The following SETD1B variants were observed in gnomAD, a reference collection of about 807,000 sequenced individuals.
SETD1B encodes histone-lysine N-methyltransferase SETD1B.
A neutral mutation model predicts 148.0 loss-of-function variants in SETD1B; 7 were observed. That is an observed-to-expected ratio of 0.05 (90% CI 0.03 to 0.09). The LOEUF is 0.09. Among genes scored for constraint, SETD1B ranks in the 10% least tolerant of loss-of-function variants. The pLI, the probability that SETD1B is intolerant of heterozygous loss-of-function variation, is 1.00. For missense variants in SETD1B, 2,155 were observed against 2,729.9 expected, an observed-to-expected ratio of 0.79 and a Z score of 4.69; for synonymous variants, 1,361 against 1,186.5, an observed-to-expected ratio of 1.15 and a Z score of -3.02.
chr12:121,822,470 G>A lies in SETD1B; in HGVS notation c.3911-20G>A. 6.6e-7 allele frequency: 1 copy of A among 1,515,896 alleles called. No homozygotes were observed. Among genetic ancestry groups the A allele is most frequent in the South Asian group, 1.2e-5 (1 of 80,590 alleles). The allele number at this position is 1,515,896 out of a possible 1,614,324, so 93.9% of individuals were successfully genotyped here. ...TTGGATTGAATAGTAAATGTCTCGT[G>A]TTCGCTCACCTCTCTGCAGAACATG... On this transcript the variant is annotated intron_variant, in intron 11 of 16. Coordinates refer to ENST00000604567, the MANE Select transcript of SETD1B (RefSeq NM_001353345.2).
Position 121,827,566 on chromosome 12 carries a change from G to A in SETD1B, c.5385G>A (p.Ser1795=), listed in dbSNP as rs1425220857. Residue 1795 remains serine (S), a synonymous_variant, in exon 14 of 17, where the codon TCG becomes TCA. Coordinates refer to ENST00000604567, the MANE Select transcript of SETD1B (RefSeq NM_001353345.2). ...CCCACGCCTCCACCCGGGCAGGCTC[G>A]GAGCGGCGTTCGGAGCAGCGCCGCC... The part of the protein sequence containing the change: ...AQPHASTRAG[S]ERRSEQRRLL... 11 of 1,549,304 alleles carry A rather than the reference G, an allele frequency of 7.1e-6. No homozygotes were observed. Among genetic ancestry groups the A allele is most frequent in the East Asian group, 4.9e-5 (2 of 40,918 alleles).
chr12:121,812,239 G>T (rs777072770), intron 6 of SETD1B, among the ~76,000 whole-genome samples: 8 of 152,156 alleles, frequency 5.3e-5, no homozygotes, highest in African/African-American at 1.4e-4. Context: ...GTGGGGGAGC[G>T]GCGCAGGCGG....
At chr12:121,819,107 G>C (rs937928543) in intron 10 of SETD1B, among the ~76,000 whole-genome samples, 4 of 151,976 alleles carry the variant, frequency 2.6e-5, no homozygotes, top group African/African-American at 4.8e-5. Flanking sequence ...AGCCGGGCGT[G>C]GTGGTGCATG....
In SETD1B at chr12:121,814,258, GCCCCCGCCACCTGGCTTC is replaced by G; in HGVS notation, c.2051_2068del (p.Pro684_Pro689del). On this transcript the variant is annotated inframe_deletion, in exon 7 of 17. Transcript: ENST00000604567. Reference sequence around the variant, plus strand: ...CTGTGCTAGCCCCAACCCTGCCGCTGCCCCCGCCACCTGGCTTCCCCCCGCTGCCCCCCCCACCACCAC... The same window carrying G: ...CTGTGCTAGCCCCAACCCTGCCGCTGCCCCCGCTGCCCCCCCCACCACCAC... The G allele has an allele frequency of 7.0e-7, 1 of 1,424,498 alleles. No individual in the cohort carries two copies. The highest frequency in any genetic ancestry group is 9.2e-7 in the Non-Finnish European group (1 of 1,089,496). 88.2% of individuals were successfully genotyped at this position (1,424,498 alleles called of 1,614,324 possible).
chr12:121,823,732 T>A lies in SETD1B; in HGVS notation c.5153T>A (p.Leu1718His), dbSNP rs1329800888. The A allele has an allele frequency of 6.5e-7, 1 of 1,550,218 alleles. No individual in the cohort carries two copies. Among genetic ancestry groups the A allele is most frequent in the Non-Finnish European group, 8.7e-7 (1 of 1,146,416 alleles). Residue 1718 changes from leucine to histidine, a missense_variant, in exon 12 of 17, where the codon CTC becomes CAC. Transcript: ENST00000604567. ...DNGMDWLNDTLWVYHPSTSLS... is the reference protein window; with the variant it reads ...DNGMDWLNDTHWVYHPSTSLS... ...GGCATGGACTGGCTTAACGACACGC[T>A]CTGGGTCTACCATCCCTATATCCTG...
chr12:121,801,001 C>G (rs1875324296), upstream of SETD1B: 1 of 152,278 alleles, frequency 6.6e-6, no homozygotes, highest in African/African-American at 2.4e-5. Flanking sequence ...GCGACGGGCT[C>G]GAAGCCTGTA....
chr12:121,812,848 C>T (rs941630109), intron 6 of SETD1B, among the ~76,000 whole-genome samples: 3 of 152,194 alleles, frequency 2.0e-5, no homozygotes, highest in Non-Finnish European at 2.9e-5. Context: ...TGGGTAGTCT[C>T]CGTCCTCCTA....
At position 121,811,652 on chromosome 12, in the gene SETD1B, G is replaced by A. The variant is rs576204229; in HGVS notation, c.1890+817G>A. On this transcript the variant is annotated intron_variant, in intron 6 of 16. Coordinates refer to ENST00000604567, the MANE Select transcript of SETD1B (RefSeq NM_001353345.2). ...CCTTCTCGGTCCAGGCACCTGCCTTGGAGCCGTAGTCCCGGTGGGCATGGG... is the reference window on the plus strand; with the variant it reads ...CCTTCTCGGTCCAGGCACCTGCCTTAGAGCCGTAGTCCCGGTGGGCATGGG... Among the ~76,000 whole-genome samples, 33 of 152,260 alleles carry A rather than the reference G, an allele frequency of 2.2e-4. No individual in the cohort carries two copies. In the East Asian group the frequency reaches 4.6e-3, roughly 21 times the overall value.
rs1877071415 is a variant in SETD1B at position 121,831,087 on chromosome 12, G to A, written c.*848G>A. The A allele has an allele frequency of 6.6e-6, 1 of 152,284 alleles. No homozygotes were observed. The highest frequency in any genetic ancestry group is 2.4e-5 in the African/African-American group (1 of 41,462). The allele number at this position is 152,284 out of a possible 1,614,324, so 9.4% of individuals were successfully genotyped here. A position where few individuals can be genotyped will look rare whatever the true frequency, so the allele number is the denominator to read the frequency against. On this transcript the variant is annotated 3_prime_UTR_variant, in exon 17 of 17. Coordinates refer to ENST00000604567, the MANE Select transcript of SETD1B (RefSeq NM_001353345.2). The stretch of plus-strand genomic sequence containing the variant: ...GAGCCTCTCGGAGGCCCCAGTGCAG[G>A]TGAGGGGCGCTGAGAACGCGGGCAG...
chr12:121,823,083 C>A lies in SETD1B; in HGVS notation c.4504C>A (p.Pro1502Thr). The A allele has an allele frequency of 6.6e-7, 1 of 1,510,490 alleles. No homozygotes were observed. Among genetic ancestry groups the A allele is most frequent in the East Asian group, 2.5e-5 (1 of 40,454 alleles). The allele number at this position is 1,510,490 out of a possible 1,614,324, so 93.6% of individuals were successfully genotyped here. A position where few individuals can be genotyped will look rare whatever the true frequency, so the allele number is the denominator to read the frequency against. The change falls in exon 12 of 17, where the codon CCC becomes ACC. Residue 1502 changes from proline (P) to threonine (T), a missense_variant. This residue lies in a region of SETD1B where 862 missense variants were observed against 873.8 expected (regional missense o/e 0.99). Coordinates refer to ENST00000604567, the MANE Select transcript of SETD1B (RefSeq NM_001353345.2). ...GGCTCGTGCGCCCACCCCGCTGCCA[C>A]CCCTGCTGCCCGCCCCCCTGGCCTC... is the stretch of plus-strand genomic sequence containing the variant. ...AQARAPTPLP[P>T]LLPAPLASCP...
rs191549585 is a variant in SETD1B, at chr12:121,815,330, T to C, written c.2715+400T>C. Among the ~76,000 whole-genome samples, 11 of 152,214 alleles carry C rather than the reference T, an allele frequency of 7.2e-5. No individual in the cohort carries two copies. In the East Asian group the frequency reaches 1.7e-3, roughly 24 times the overall value. On this transcript the variant is annotated intron_variant, in intron 7 of 16. Transcript: ENST00000604567. Reference sequence around the variant, plus strand: ...AAAATTAAAACTCCTCCTTTGTACATGCCACATTTCAAGTGCTCGGGAGCC... The same window carrying C: ...AAAATTAAAACTCCTCCTTTGTACACGCCACATTTCAAGTGCTCGGGAGCC...
Position 121,809,628 on chromosome 12 carries a change from A to G in SETD1B, c.683A>G (p.Lys228Arg). ...LQLSDALKRL[K>R]DGGLSAGCGS... ...CTGTCAGATGCCCTGAAGCGCCTCA[A>G]GGATGGAGGCCTGTCTGCAGGCTGT... Residue 228 changes from lysine (K) to arginine (R), a missense_variant, in exon 6 of 17, where the codon AAG becomes AGG. This residue lies in a region of SETD1B where 124 missense variants were observed against 282.9 expected (regional missense o/e 0.44). Transcript: ENST00000604567. The G allele has an allele frequency of 6.4e-7, 1 of 1,550,664 alleles. No homozygotes were observed. Among genetic ancestry groups the G allele is most frequent in the South Asian group, 1.2e-5 (1 of 83,980 alleles).
In SETD1B at chr12:121,814,369, A is replaced by G; in HGVS notation, c.2154A>G (p.Pro718=). The G allele has an allele frequency of 2.3e-6, 1 of 433,458 alleles. No homozygotes were observed. Among genetic ancestry groups the G allele is most frequent in the Non-Finnish European group, 3.6e-6 (1 of 277,134 alleles). The allele number at this position is 433,458 out of a possible 1,614,324, so 26.9% of individuals were successfully genotyped here. A position where few individuals can be genotyped will look rare whatever the true frequency, so the allele number is the denominator to read the frequency against. Residue 718 remains proline, a synonymous_variant, in exon 7 of 17, where the codon CCA becomes CCG. Transcript: ENST00000604567. ...CCCCACCGCCGCCCCCACCCCCTCC[A>G]GCCCACCCTGCTGTGACAGTGCCCC... is the stretch of plus-strand genomic sequence containing the variant. ...PLPPPPPPPP[P]AHPAVTVPPP... is the part of the protein sequence containing the mutation.
In SETD1B at chr12:121,827,861, A is replaced by G. The variant is rs781530647; in HGVS notation, c.5589+7A>G. The G allele has an allele frequency of 4.5e-6, 7 of 1,555,570 alleles. No individual in the cohort carries two copies. Among genetic ancestry groups the G allele is most frequent in the Non-Finnish European group, 5.2e-6 (6 of 1,148,874 alleles). ...GGGCCAGAATATCCGTCAGGTAGGCACCGCCCGGCAGGATGGGCACCGGGG... is the reference window on the plus strand; with the variant it reads ...GGGCCAGAATATCCGTCAGGTAGGCGCCGCCCGGCAGGATGGGCACCGGGG... On this transcript the variant is annotated splice_region_variant and intron_variant, in intron 15 of 16. Coordinates refer to ENST00000604567, the MANE Select transcript of SETD1B (RefSeq NM_001353345.2).
Position 121,817,185 on chromosome 12 carries a change from C to T in SETD1B, c.2868C>T (p.Ala956=). The part of the protein sequence containing the change: ...GLGLGIGLRG[A]IRLPSFKVKR... Reference sequence around the variant, plus strand: ...GCCTGGGCATTGGGCTGCGTGGGGCCATTCGCCTGCCCTCCTTCAAGGTCA... The same window carrying T: ...GCCTGGGCATTGGGCTGCGTGGGGCTATTCGCCTGCCCTCCTTCAAGGTCA... The change falls in exon 8 of 17, where the codon GCC becomes GCT. Residue 956 remains alanine, a synonymous_variant. Transcript: ENST00000604567. This position sits in a 1 kb window ranked among gnomAD's most constrained non-coding sequence, Gnocchi z 8.1. The T allele has an allele frequency of 6.5e-7, 1 of 1,550,226 alleles. No homozygotes were observed. Among genetic ancestry groups the T allele is most frequent in the Non-Finnish European group, 8.7e-7 (1 of 1,146,928 alleles).
At chr12:121,828,174 C>T in intron 16 of SETD1B, 104 bp downstream of exon 16, 1 of 1,442,132 alleles carries the variant, frequency 6.9e-7, no homozygotes. Flanking sequence ...AGCTCGGCCT[C>T]CTTCCCAAGC....
upstream of SETD1B, chr12:121,802,212 T>G (rs918112178): frequency 6.6e-6 from 1 of 152,166 alleles, no homozygotes; most frequent in Non-Finnish European, 1.5e-5. Flanking sequence ...TAAAGCAAGA[T>G]CGTCTCAAGC....
chr12:121,805,221 G>T lies in SETD1B; in HGVS notation c.273+5G>T. The T allele has an allele frequency of 6.5e-7, 1 of 1,549,080 alleles. No individual in the cohort carries two copies. Among genetic ancestry groups the T allele is most frequent in the Non-Finnish European group, 8.7e-7 (1 of 1,146,272 alleles). ...CTGTCGGTGCCCAAATTCAAGGTAG[G>T]ACCCCTCCCCACTGCCCCGCCGTCC... On this transcript the variant is annotated splice_donor_5th_base_variant and intron_variant, in intron 3 of 16. Coordinates refer to ENST00000604567, the MANE Select transcript of SETD1B (RefSeq NM_001353345.2). The surrounding 1 kb of genome is among the most constrained non-coding windows in gnomAD (Gnocchi z 4.2).
rs1875618522 is a variant in SETD1B at position 121,804,588 on chromosome 12, G to A, written c.-14-136G>A. Reference sequence around the variant, plus strand: ...TCCATTCTTGTTTTGGGGGGAGCCAGCGAGACAGCTCCTTTCGGGGCGCGC... The same window carrying A: ...TCCATTCTTGTTTTGGGGGGAGCCAACGAGACAGCTCCTTTCGGGGCGCGC... On this transcript the variant is annotated intron_variant, in intron 1 of 16. Coordinates refer to ENST00000604567, the MANE Select transcript of SETD1B (RefSeq NM_001353345.2). This position sits in a 1 kb window ranked among gnomAD's most constrained non-coding sequence, Gnocchi z 4.6. 2.9e-6 allele frequency: 2 copies of A among 689,820 alleles called. No individual in the cohort carries two copies. Among genetic ancestry groups the A allele is most frequent in the Non-Finnish European group, 4.8e-6 (2 of 417,962 alleles). The allele number at this position is 689,820 out of a possible 1,614,324, so 42.7% of individuals were successfully genotyped here. A position where few individuals can be genotyped will look rare whatever the true frequency, so the allele number is the denominator to read the frequency against.
Sources: gnomAD v4.1 joint callset for allele counts (sites outside exome capture counted in the v4.1 genomes callset) on GRCh38, gnomAD v4.1.1 for gene constraint, gnomAD v4.1.1 regional missense constraint, Gnocchi (gnomAD v3.1) non-coding constraint, MANE v1.5 for transcripts, NCBI Gene and HGNC (gene_info 2026-07-23, HGNC 2026-07-21) for gene names.